Variants in BTF3L4 observed in about 807,000 individuals in gnomAD.
The protein encoded by BTF3L4 is basic transcription factor 3 like 4.
BTF3L4 carries 6 observed loss-of-function variants against 16.8 expected under a neutral mutation model. The ratio of observed to expected loss-of-function variants is 0.36; its 90% CI spans 0.20 to 0.71. BTF3L4 has a LOEUF of 0.71. Ranked by LOEUF, BTF3L4 falls within the 30% of genes least tolerant of loss-of-function variation. The pLI, the probability that BTF3L4 is intolerant of heterozygous loss-of-function variation, is 0.58. For synonymous variants in BTF3L4, 39 were observed against 59.8 expected (o/e 0.65, Z 1.60); for missense variants, 92 against 186.9 (o/e 0.49, Z 2.96).
intron 3 of BTF3L4, among the ~76,000 whole-genome samples, chr1:52,079,606 A>T (rs1374052240): frequency 6.6e-6 from 1 of 152,160 alleles, no homozygotes; most frequent in Non-Finnish European, 1.5e-5. Context: ...AGCATATTTC[A>T]AACTAGAAAG....
intron 3 of BTF3L4, among the ~76,000 whole-genome samples, chr1:52,079,347 A>C (rs1572030533): frequency 1.4e-5 from 2 of 145,614 alleles, no homozygotes; most frequent in South Asian, 4.3e-4. Context: ...ACATCACTGC[A>C]CTCCAGCCTG....
intron 3 of BTF3L4, among the ~76,000 whole-genome samples, chr1:52,070,399 G>A (rs1686758008): frequency 6.6e-6 from 1 of 150,708 alleles, no homozygotes; most frequent in Admixed American, 6.6e-5. Flanking sequence ...TGTTTTTAAT[G>A]TTACCAAACA....
chr1:52,065,553 A>C (rs1406371066), intron 3 of BTF3L4: 1 of 152,218 alleles, frequency 6.6e-6, no homozygotes, highest in Non-Finnish European at 1.5e-5. Flanking sequence ...GGTGTGAACC[A>C]CCGCGCCCGG....
At position 52,085,666 on chromosome 1, in the gene BTF3L4, A is replaced by G. The variant is rs565928989; in HGVS notation, c.371-446A>G. Reference sequence around the variant, plus strand: ...GGAGTTCGAGACCAGCCTGGCCAACATGGTGAAACCCCATCTCTACTAAAA... The same window carrying G: ...GGAGTTCGAGACCAGCCTGGCCAACGTGGTGAAACCCCATCTCTACTAAAA... On this transcript the variant is annotated intron_variant, in intron 4 of 5. Transcript: ENST00000313334. Among the ~76,000 whole-genome samples, 5 of 152,146 alleles carry G rather than the reference A, an allele frequency of 3.3e-5. No individual in the cohort carries two copies. The East Asian group carries it at 9.7e-4, about 29-fold the overall frequency.
chr1:52,061,991 C>A (rs983467601), intron 2 of BTF3L4, among the ~76,000 whole-genome samples: 17 of 151,612 alleles, frequency 1.1e-4, no homozygotes, highest in Non-Finnish European at 2.2e-4. Flanking sequence ...GGCTGTAGTG[C>A]AGTGGCGCAA....
intron 4 of BTF3L4, among the ~76,000 whole-genome samples, chr1:52,083,822 C>T (rs1643945384): frequency 6.6e-6 from 1 of 151,972 alleles, no homozygotes; most frequent in Non-Finnish European, 1.5e-5. Context: ...GAGTTCGAGA[C>T]CAGCCTGACC....
intron 4 of BTF3L4, 141 bp downstream of exon 4, chr1:52,083,682 A>C (rs926335250): frequency 1.4e-6 from 1 of 704,304 alleles, no homozygotes; most frequent in African/African-American, 1.8e-5. Flanking sequence ...TGCTTCATAA[A>C]ATTTTGAGTT....
rs771686545 is a variant in BTF3L4, at chr1:52,060,355, CTG to C, written c.54+455_54+456del. ...AGATGTTAGGGTTACTTTGTCTTGA[CTG>C]GATGTTACCTACTTGTACAGAGGTT... is the stretch of plus-strand genomic sequence containing the variant. On this transcript the variant is annotated intron_variant, in intron 2 of 5. Transcript: ENST00000313334. 14 of 665,860 alleles carry C rather than the reference CTG, an allele frequency of 2.1e-5. No individual in the cohort carries two copies. In the East Asian group the frequency reaches 9.0e-4, roughly 43 times the overall value. The allele number at this position is 665,860 out of a possible 1,614,324, so 41.2% of individuals were successfully genotyped here.
chr1:52,079,938 C>T (rs1464697345), intron 3 of BTF3L4, among the ~76,000 whole-genome samples: 2 of 144,396 alleles, frequency 1.4e-5, no homozygotes, highest in Non-Finnish European at 3.0e-5. Flanking sequence ...ATGGCATGAT[C>T]TGAGCTCACT....
chr1:52,080,836 C>CTTTTTTTTTTT (rs34697464), intron 3 of BTF3L4, among the ~76,000 whole-genome samples: 1 of 83,588 alleles, frequency 1.2e-5, no homozygotes, highest in Non-Finnish European at 2.3e-5. Context: ...GCTCGGCCTT[C>CTTTTTTTTTTT]TTTTTTTTTT....
chr1:52,082,110 G>A (rs1309254713), intron 3 of BTF3L4, among the ~76,000 whole-genome samples: 1 of 152,026 alleles, frequency 6.6e-6, no homozygotes, highest in East Asian at 1.9e-4. Context: ...TTACCCAGGG[G>A]AATCAACTAC....
At chr1:52,083,712 G>A (rs138112697) in intron 4 of BTF3L4, among the ~76,000 whole-genome samples, 171 bp downstream of exon 4, 4 of 152,154 alleles carry the variant, frequency 2.6e-5, no homozygotes, top group Non-Finnish European at 5.9e-5. Context: ...ATTATGTAGT[G>A]TGACATATAG....
intron 2 of BTF3L4, 65 bp downstream of exon 2, chr1:52,059,966 G>T (rs573098344): frequency 7.6e-6 from 11 of 1,441,786 alleles, no homozygotes; most frequent in South Asian, 2.5e-5. Context: ...TATTATTTCG[G>T]ATTTGTGGTC....
rs1644002537 is a variant in BTF3L4 at position 52,089,711 on chromosome 1, T to G, written c.*2953T>G. 6.6e-6 allele frequency: 1 copy of G among 152,182 alleles called. No homozygotes were observed. Among genetic ancestry groups the G allele is most frequent in the Non-Finnish European group, 1.5e-5 (1 of 68,036 alleles). 9.4% of individuals were successfully genotyped at this position (152,182 alleles called of 1,614,324 possible). On this transcript the variant is annotated 3_prime_UTR_variant, in exon 6 of 6. Coordinates refer to ENST00000313334, the MANE Select transcript of BTF3L4 (RefSeq NM_152265.5). ...CTTTGAGGTTTTTTTGTTTTTGTTT[T>G]TGTTCTTTGTAAAGCGCCTTATCTG...
chr1:52,090,397 A>G lies in BTF3L4; in HGVS notation c.*3639A>G, dbSNP rs910840385. 6.6e-6 allele frequency: 1 copy of G among 152,146 alleles called. No homozygotes were observed. The highest frequency in any genetic ancestry group is 6.5e-5 in the Admixed American group (1 of 15,272). 9.4% of individuals were successfully genotyped at this position (152,146 alleles called of 1,614,324 possible). ...AGTCTCCATTCTACACTGCATTTCA[A>G]CCTGTGTTGAACAACACTCCAGTTC... On this transcript the variant is annotated 3_prime_UTR_variant, in exon 6 of 6. Transcript: ENST00000313334.
At chr1:52,080,510 G>GT (rs1456979976) in intron 3 of BTF3L4, among the ~76,000 whole-genome samples, 1 of 116,454 alleles carries the variant, frequency 8.6e-6, no homozygotes, top group Non-Finnish European at 1.8e-5. Flanking sequence ...GAAATCTTTG[G>GT]TTTTTTGGGT....
chr1:52,081,393 G>A (rs1471743076), intron 3 of BTF3L4, among the ~76,000 whole-genome samples: 1 of 152,076 alleles, frequency 6.6e-6, no homozygotes, highest in African/African-American at 2.4e-5. Context: ...CAAAGTGCTA[G>A]GATTACAAGT....
chr1:52,073,059 A>G (rs1179318110), intron 3 of BTF3L4, among the ~76,000 whole-genome samples: 1 of 151,928 alleles, frequency 6.6e-6, no homozygotes. Context: ...CTCTGTCTCA[A>G]AAAAAGAAAA....
intron 3 of BTF3L4, among the ~76,000 whole-genome samples, chr1:52,068,296 T>C (rs1268311969): frequency 6.6e-6 from 1 of 152,240 alleles, no homozygotes; most frequent in African/African-American, 2.4e-5. Context: ...CAACGTTTAT[T>C]AAACATCTGC....
Sources: gnomAD v4.1 joint callset for allele counts (sites outside exome capture counted in the v4.1 genomes callset) on GRCh38, gnomAD v4.1.1 for gene constraint, MANE v1.5 for transcripts, NCBI Gene and HGNC (gene_info 2026-07-23, HGNC 2026-07-21) for gene names.